Variants in DIAPH3 observed in about 807,000 individuals in gnomAD.
DIAPH3 encodes the protein protein diaphanous homolog 3.
A neutral mutation model predicts 144.3 loss-of-function variants in DIAPH3; 117 were observed. The ratio of observed to expected loss-of-function variants is 0.81; its 90% confidence interval spans 0.70 to 0.95. DIAPH3 has a LOEUF of 0.95. Among genes scored for constraint, DIAPH3 ranks in the 40% least tolerant of loss-of-function variants. The pLI is 0.00. For synonymous variants in DIAPH3, 519 were observed against 488.9 expected (o/e 1.06, Z -0.81); for missense variants, 1,421 against 1,412.7 (o/e 1.01, Z -0.09).
At chr13:59,792,257 T>C (rs2039365263) in intron 25 of DIAPH3, among the ~76,000 whole-genome samples, 1 of 152,156 alleles carries the variant, frequency 6.6e-6, no homozygotes, top group Admixed American at 6.5e-5. Flanking sequence ...AAAGCTGCTA[T>C]GTCAGGCTGT....
intron 9 of DIAPH3, among the ~76,000 whole-genome samples, chr13:60,002,659 C>G (rs749568856): frequency 4.5e-4 from 69 of 152,174 alleles, no homozygotes; most frequent in Non-Finnish European, 8.1e-4. Context: ...TTCATGGGTA[C>G]TGGATCAGGG....
At chr13:59,724,506 T>C (rs2035510913) in intron 27 of DIAPH3, among the ~76,000 whole-genome samples, 2 of 152,200 alleles carry the variant, frequency 1.3e-5, no homozygotes, top group Admixed American at 1.3e-4. Flanking sequence ...TGAGCCTAAA[T>C]TCAAGTATGA....
At chr13:60,011,714 A>C (rs896735672) in intron 7 of DIAPH3, among the ~76,000 whole-genome samples, 5 of 152,184 alleles carry the variant, frequency 3.3e-5, no homozygotes, top group African/African-American at 9.7e-5. Context: ...ATAAGCAAAA[A>C]CTGAAGGATG....
At chr13:60,072,850 A>C (rs754358166) in intron 4 of DIAPH3, among the ~76,000 whole-genome samples, 3 of 152,190 alleles carry the variant, frequency 2.0e-5, no homozygotes, top group Non-Finnish European at 4.4e-5. Flanking sequence ...TCTTCACAAC[A>C]ACCATTTGAG....
At chr13:59,802,663 TATTA>T (rs1159147385) in intron 25 of DIAPH3, among the ~76,000 whole-genome samples, 21 of 36,960 alleles carry the variant, frequency 5.7e-4, no homozygotes, top group South Asian at 3.1e-3. Flanking sequence ...TTATTATTAT[TATTA>T]TTTTTTTTTT....
chr13:60,105,723 A>G (rs1352464471), intron 3 of DIAPH3, among the ~76,000 whole-genome samples: 1 of 152,214 alleles, frequency 6.6e-6, no homozygotes, highest in Non-Finnish European at 1.5e-5. Context: ...TCAAGCCTTA[A>G]TACACTTTTT....
At chr13:59,816,611 A>G (rs2040783663) in intron 24 of DIAPH3, among the ~76,000 whole-genome samples, 1 of 151,328 alleles carries the variant, frequency 6.6e-6, no homozygotes, top group African/African-American at 2.4e-5. Context: ...TTTTTCTTTC[A>G]TTTAATCTTT....
At chr13:60,059,098 T>C (rs1234712554) in intron 4 of DIAPH3, among the ~76,000 whole-genome samples, 2 of 151,760 alleles carry the variant, frequency 1.3e-5, no homozygotes, top group Non-Finnish European at 2.9e-5. Context: ...GTTCTATATA[T>C]GTATTAGATG....
intron 24 of DIAPH3, among the ~76,000 whole-genome samples, chr13:59,816,580 C>T (rs1004766567): frequency 6.6e-6 from 1 of 151,662 alleles, no homozygotes; most frequent in Non-Finnish European, 1.5e-5. Flanking sequence ...AGAATAACCT[C>T]ATTTTTGCCT....
chr13:59,975,021 T>C (rs926306241), intron 14 of DIAPH3, among the ~76,000 whole-genome samples: 3 of 152,036 alleles, frequency 2.0e-5, no homozygotes, highest in South Asian at 2.1e-4. Flanking sequence ...CCTAGTGAAA[T>C]ACCTTCTGGA....
At chr13:59,909,777 T>A (rs1247603470) in intron 20 of DIAPH3, among the ~76,000 whole-genome samples, 2 of 152,202 alleles carry the variant, frequency 1.3e-5, no homozygotes, top group African/African-American at 4.8e-5. Flanking sequence ...TAAGTTTGAG[T>A]TGACATGTCC....
chr13:59,924,157 T>C (rs1319922479), intron 18 of DIAPH3, among the ~76,000 whole-genome samples: 1 of 152,154 alleles, frequency 6.6e-6, no homozygotes, highest in Non-Finnish European at 1.5e-5. Context: ...TTTAGAGTAG[T>C]TAGAAATGAG....
chr13:60,090,164 C>T (rs1369637694), intron 4 of DIAPH3, among the ~76,000 whole-genome samples: 1 of 152,160 alleles, frequency 6.6e-6, no homozygotes, highest in African/African-American at 2.4e-5. Context: ...TGGAACTGCC[C>T]ACCAGAGTGT....
intron 2 of DIAPH3, among the ~76,000 whole-genome samples, chr13:60,128,190 T>G (rs2059038407): frequency 6.6e-6 from 1 of 152,170 alleles, no homozygotes; most frequent in Non-Finnish European, 1.5e-5. Context: ...GTTAGTTTGC[T>G]AAGGATAATG....
intron 27 of DIAPH3, among the ~76,000 whole-genome samples, chr13:59,734,445 A>G (rs2036038138): frequency 6.6e-6 from 1 of 152,194 alleles, no homozygotes; most frequent in Admixed American, 6.5e-5. Flanking sequence ...TTTATGAATT[A>G]TTGAATTGAT....
At chr13:60,052,187 G>A (rs2056377370) in intron 4 of DIAPH3, among the ~76,000 whole-genome samples, 1 of 152,178 alleles carries the variant, frequency 6.6e-6, no homozygotes, top group Non-Finnish European at 1.5e-5. Context: ...GGCATGGCAG[G>A]AACAGGGAGG....
intron 14 of DIAPH3, among the ~76,000 whole-genome samples, chr13:59,979,869 G>A (rs1211833068): frequency 1.3e-5 from 2 of 151,572 alleles, no homozygotes; most frequent in Non-Finnish European, 3.0e-5. Flanking sequence ...CTCCTTCAAT[G>A]TGAAAAACCA....
At position 59,879,260 on chromosome 13, in the gene DIAPH3, G is replaced by A. The variant is rs771828799; in HGVS notation, c.2576C>T (p.Thr859Ile). 2 of 1,613,814 alleles carry A rather than the reference G, an allele frequency of 1.2e-6. No individual in the cohort carries two copies. The highest frequency in any genetic ancestry group is 2.2e-5 in the East Asian group (1 of 44,872). The change falls in exon 21 of 28, where the codon ACC becomes ATC. Residue 859 changes from threonine to isoleucine, a missense_variant. Thr to Ile is a moderately conservative substitution (Grantham distance 89, BLOSUM62 -1). Coordinates refer to ENST00000400324, the MANE Select transcript of DIAPH3 (RefSeq NM_001042517.2). Reference protein sequence around the residue: ...YMNAGSRNAQTFGFNLSSLCK... With the variant: ...YMNAGSRNAQIFGFNLSSLCK... ...GAGAGAGCTAAGGTTAAATCCGAAG[G>A]TTTGAGCATTCCGGGAGCCAGCATT... is the stretch of plus-strand genomic sequence containing the variant.
intron 24 of DIAPH3, among the ~76,000 whole-genome samples, chr13:59,812,336 C>G (rs1344537731): frequency 6.6e-6 from 1 of 151,428 alleles, no homozygotes; most frequent in Non-Finnish European, 1.5e-5. Context: ...TTCCATCTAT[C>G]CAATTAATAC....
Sources: gnomAD v4.1 joint callset for allele counts (sites outside exome capture counted in the v4.1 genomes callset) on GRCh38, gnomAD v4.1.1 for gene constraint, MANE v1.5 for transcripts, NCBI Gene and HGNC (gene_info 2026-07-23, HGNC 2026-07-21) for gene names.